Variants in ZHX3 observed in about 807,000 individuals in gnomAD.
ZHX3 encodes zinc fingers and homeoboxes 3.
A neutral mutation model predicts 64.5 loss-of-function variants in ZHX3; 20 were observed. That is an observed-to-expected ratio of 0.31 (90% CI 0.22 to 0.45). The LOEUF is 0.45. Ranked by LOEUF, ZHX3 falls within the 20% of genes least tolerant of loss-of-function variation. The pLI is 1.00. For missense variants in ZHX3, 1,041 were observed against 1,195.8 expected (o/e 0.87, Z 1.91); for synonymous variants, 423 against 461.6 (o/e 0.92, Z 1.07).
At chr20:41,239,900 G>C (rs1277623273) in intron 2 of ZHX3, among the ~76,000 whole-genome samples, 1 of 152,172 alleles carries the variant, frequency 6.6e-6, no homozygotes, top group Non-Finnish European at 1.5e-5. Context: ...TCTTTTGAAG[G>C]GAAACCCAAG....
At chr20:41,280,258 A>G (rs1600613082) in intron 1 of ZHX3, among the ~76,000 whole-genome samples, 1 of 152,332 alleles carries the variant, frequency 6.6e-6, no homozygotes, top group African/African-American at 2.4e-5. Context: ...AGAGTTCTCA[A>G]TCCTGGATGC....
In ZHX3 at chr20:41,220,676, T is replaced by TG. The variant is rs1450521914; in HGVS notation, c.-150-15611_-150-15610insC. Reference sequence around the variant, plus strand: ...TATATGATACAGTTTTTTTTGGTTTTTTTTGTTTTGTTTTGTTTTTGTTTT... The same window carrying TG: ...TATATGATACAGTTTTTTTTGGTTTTGTTTTGTTTTGTTTTGTTTTTGTTTT... On this transcript the variant is annotated intron_variant, in intron 2 of 3. Transcript: ENST00000683867. 4.6e-5 allele frequency among the ~76,000 whole-genome samples: 7 copies of TG among 151,978 alleles called. No homozygotes were observed. The South Asian group carries it at 8.3e-4, about 18-fold the overall frequency.
Position 41,186,639 on chromosome 20 carries a change from T to G in ZHX3, c.2861-1438A>C, listed in dbSNP as rs77782842. Reference sequence around the variant, plus strand: ...GCACAAGGGATCCAGTTTCTCCACATCCTCCCAACACGTTGTTTTCTCTGG... The same window carrying G: ...GCACAAGGGATCCAGTTTCTCCACAGCCTCCCAACACGTTGTTTTCTCTGG... On this transcript the variant is annotated intron_variant, in intron 3 of 3. Coordinates refer to ENST00000683867, the MANE Select transcript of ZHX3 (RefSeq NM_001384317.1). 2.0e-4 allele frequency among the ~76,000 whole-genome samples: 31 copies of G among 152,338 alleles called. No individual in the cohort carries two copies. In the East Asian group the frequency reaches 3.3e-3, roughly 16 times the overall value.
chr20:41,217,154 A>G (rs1368549085), intron 2 of ZHX3, among the ~76,000 whole-genome samples: 2 of 152,162 alleles, frequency 1.3e-5, no homozygotes, highest in East Asian at 1.9e-4. Flanking sequence ...TAATGTTGCT[A>G]TGTATGATAA....
chr20:41,305,569 G>C (rs1360534486), intron 1 of ZHX3, among the ~76,000 whole-genome samples: 1 of 151,984 alleles, frequency 6.6e-6, no homozygotes, highest in Non-Finnish European at 1.5e-5. Context: ...CGGATCACGA[G>C]GCCAGGAGAT....
At chr20:41,280,536 A>T (rs906263629) in intron 1 of ZHX3, among the ~76,000 whole-genome samples, 1 of 152,186 alleles carries the variant, frequency 6.6e-6, no homozygotes, top group African/African-American at 2.4e-5. Flanking sequence ...CTAAAAAGTT[A>T]TTAGTGGGGA....
At chr20:41,265,177 G>T (rs1392975412) in intron 2 of ZHX3, among the ~76,000 whole-genome samples, 1 of 151,026 alleles carries the variant, frequency 6.6e-6, no homozygotes, top group African/African-American at 2.4e-5. Context: ...AAACCCAAAG[G>T]AATCACTGAA....
chr20:41,199,160 T>C (rs1417644647), intron 3 of ZHX3, among the ~76,000 whole-genome samples: 1 of 152,198 alleles, frequency 6.6e-6, no homozygotes, highest in Non-Finnish European at 1.5e-5. Context: ...TCGTCCATGT[T>C]TTCCTTTAGC....
At chr20:41,271,170 G>A (rs1324795547) in intron 1 of ZHX3, among the ~76,000 whole-genome samples, 3 of 152,182 alleles carry the variant, frequency 2.0e-5, no homozygotes, top group South Asian at 2.1e-4. Flanking sequence ...ACAGGCACGC[G>A]CCACCACACC....
At position 41,260,040 on chromosome 20, in the gene ZHX3, G is replaced by A. The variant is rs540809003; in HGVS notation, c.-151+8950C>T. On this transcript the variant is annotated intron_variant, in intron 2 of 3. Transcript: ENST00000683867. ...GATACACATGACACAAAATCAAAGAGTTAAATGAGAAAAACCTAATGAAAC... is the reference window on the plus strand; with the variant it reads ...GATACACATGACACAAAATCAAAGAATTAAATGAGAAAAACCTAATGAAAC... Among the ~76,000 whole-genome samples, 4 of 152,142 alleles carry A rather than the reference G, an allele frequency of 2.6e-5. No individual in the cohort carries two copies. In the South Asian group the frequency reaches 8.3e-4, roughly 32 times the overall value.
At chr20:41,237,778 TAAAG>T (rs1265317404) in intron 2 of ZHX3, among the ~76,000 whole-genome samples, 1 of 152,112 alleles carries the variant, frequency 6.6e-6, no homozygotes, top group African/African-American at 2.4e-5. Context: ...TAAAATAAAA[TAAAG>T]AAAATATGTT....
intron 2 of ZHX3, among the ~76,000 whole-genome samples, chr20:41,230,856 T>C (rs911796655): frequency 2.6e-5 from 4 of 152,212 alleles, no homozygotes; most frequent in Admixed American, 6.5e-5. Context: ...CTGATCAATC[T>C]ACACTGACAC....
intron 1 of ZHX3, among the ~76,000 whole-genome samples, chr20:41,272,745 T>C (rs1012466459): frequency 6.6e-6 from 1 of 152,206 alleles, no homozygotes; most frequent in Non-Finnish European, 1.5e-5. Context: ...TTCCACTGTA[T>C]ATAGATGCAC....
At chr20:41,274,671 T>C (rs1232919318) in intron 1 of ZHX3, among the ~76,000 whole-genome samples, 2 of 152,168 alleles carry the variant, frequency 1.3e-5, no homozygotes, top group Non-Finnish European at 2.9e-5. Flanking sequence ...AAGGAAAGTA[T>C]ATATTCCCCT....
intron 1 of ZHX3, among the ~76,000 whole-genome samples, chr20:41,279,761 T>A (rs529518803): frequency 8.5e-4 from 129 of 152,270 alleles, no homozygotes; most frequent in African/African-American, 2.9e-3. Flanking sequence ...CAGGACTGAC[T>A]GAATGACAGC....
chr20:41,305,554 A>G (rs540609879), intron 1 of ZHX3, among the ~76,000 whole-genome samples: 1 of 152,008 alleles, frequency 6.6e-6, no homozygotes, highest in Non-Finnish European at 1.5e-5. Flanking sequence ...GGAGGCCGGG[A>G]CGGGCGGATC....
intron 2 of ZHX3, among the ~76,000 whole-genome samples, chr20:41,258,543 G>A (rs1173305346): frequency 6.6e-6 from 1 of 152,100 alleles, no homozygotes; most frequent in Admixed American, 6.6e-5. Flanking sequence ...ACTTTTAAGA[G>A]TATTAAACAG....
intron 2 of ZHX3, among the ~76,000 whole-genome samples, chr20:41,264,416 G>A (rs1313253047): frequency 6.3e-5 from 9 of 143,866 alleles, no homozygotes; most frequent in East Asian, 2.0e-4. Flanking sequence ...AAAGTTAGCC[G>A]GGCATGGTGG....
chr20:41,309,608 C>G (rs945275760), intron 1 of ZHX3, among the ~76,000 whole-genome samples: 2 of 152,276 alleles, frequency 1.3e-5, no homozygotes, highest in South Asian at 2.1e-4. Context: ...AGAGACCTGG[C>G]AACCAATAAA....
Sources: allele counts gnomAD v4.1 joint callset (sites outside exome capture counted in the v4.1 genomes callset), GRCh38; gene constraint gnomAD v4.1.1; transcripts MANE v1.5; gene names NCBI Gene and HGNC (gene_info 2026-07-23, HGNC 2026-07-21).